ME3: variants seen among roughly 807,000 people sequenced by gnomAD.
ME3 encodes the protein NADP-dependent malic enzyme, mitochondrial.
ME3 carries 48 observed loss-of-function variants against 68.9 expected under a neutral mutation model. That is an observed-to-expected ratio of 0.70 (90% CI 0.55 to 0.89). The LOEUF is 0.89. ME3 is among the 40% of genes least tolerant of loss of function. The pLI, the probability that ME3 is intolerant of heterozygous loss-of-function variation, is 0.00. For synonymous variants in ME3, 320 were observed against 318.8 expected (o/e 1.00, Z -0.04); for missense variants, 675 against 797.4 (o/e 0.85, Z 1.85).
intron 2 of ME3, among the ~76,000 whole-genome samples, chr11:86,661,515 A>G (rs924930855): frequency 6.6e-6 from 1 of 152,262 alleles, no homozygotes; most frequent in African/African-American, 2.4e-5. Context: ...CTTACAGGGT[A>G]CATGTCTATT....
intron 2 of ME3, among the ~76,000 whole-genome samples, chr11:86,636,659 A>G (rs1944352039): frequency 6.6e-6 from 1 of 152,174 alleles, no homozygotes; most frequent in South Asian, 2.1e-4. Context: ...AACATGCACA[A>G]GTTTTGGAAT....
intron 10 of ME3, among the ~76,000 whole-genome samples, chr11:86,449,164 C>T (rs1334202761): frequency 6.6e-6 from 1 of 152,174 alleles, no homozygotes; most frequent in Non-Finnish European, 1.5e-5. Context: ...CCCATCTCTG[C>T]CATAATTTTT....
intron 2 of ME3, chr11:86,668,238 C>T (rs968618669): frequency 2.0e-5 from 3 of 152,178 alleles, no homozygotes; most frequent in South Asian, 2.1e-4. Context: ...CTTGGCTTCT[C>T]TTTTCTTTGG....
chr11:86,640,904 A>G (rs901407982), intron 2 of ME3, among the ~76,000 whole-genome samples: 2 of 152,036 alleles, frequency 1.3e-5, no homozygotes, highest in African/African-American at 4.8e-5. Flanking sequence ...TCTCCAGGAT[A>G]TTGCCCTTTC....
At chr11:86,647,940 A>G (rs559811324) in intron 2 of ME3, among the ~76,000 whole-genome samples, 1 of 152,328 alleles carries the variant, frequency 6.6e-6, no homozygotes, top group Admixed American at 6.5e-5. Flanking sequence ...TCCACCCCAA[A>G]TCAACAGAAT....
intron 2 of ME3, among the ~76,000 whole-genome samples, chr11:86,588,651 C>G (rs1365596271): frequency 6.6e-6 from 1 of 152,112 alleles, no homozygotes; most frequent in African/African-American, 2.4e-5. Flanking sequence ...TCAAGTGGAG[C>G]CTTGGAATGT....
intron 4 of ME3, among the ~76,000 whole-genome samples, chr11:86,543,836 A>T (rs1296509753): frequency 6.6e-6 from 1 of 152,214 alleles, no homozygotes; most frequent in Non-Finnish European, 1.5e-5. Context: ...CTCCACCCCA[A>T]ATCAACAGAA....
chr11:86,490,961 A>G (rs1424769568), intron 6 of ME3, among the ~76,000 whole-genome samples: 2 of 152,234 alleles, frequency 1.3e-5, no homozygotes, highest in East Asian at 3.8e-4. Context: ...TCAAAGGTCA[A>G]CCATAATGAG....
chr11:86,563,998 T>G (rs1476647366), intron 2 of ME3, among the ~76,000 whole-genome samples: 1 of 152,210 alleles, frequency 6.6e-6, no homozygotes, highest in East Asian at 1.9e-4. Context: ...CCTTGGTAGC[T>G]TAATAGGAAT....
intron 7 of ME3, among the ~76,000 whole-genome samples, chr11:86,482,347 G>A (rs1951461908): frequency 6.6e-6 from 1 of 152,100 alleles, no homozygotes. Flanking sequence ...CACTATGCCT[G>A]GCTCAGTGTC....
At chr11:86,482,645 G>C (rs1951475851) in intron 7 of ME3, among the ~76,000 whole-genome samples, 1 of 151,126 alleles carries the variant, frequency 6.6e-6, no homozygotes, top group Non-Finnish European at 1.5e-5. Context: ...GACTGTTCCA[G>C]TTCCAGGTCT....
intron 2 of ME3, among the ~76,000 whole-genome samples, chr11:86,637,886 G>A (rs1242931871): frequency 1.3e-5 from 2 of 151,904 alleles, no homozygotes; most frequent in African/African-American, 2.4e-5. Flanking sequence ...TGATTACAGG[G>A]CACAGGCTTG....
chr11:86,576,183 G>A lies in ME3; in HGVS notation c.184-16360C>T, dbSNP rs74786440. 2.0e-5 allele frequency among the ~76,000 whole-genome samples: 3 copies of A among 152,264 alleles called. No homozygotes were observed. In the East Asian group the frequency reaches 5.8e-4, roughly 29 times the overall value. On this transcript the variant is annotated intron_variant, in intron 2 of 14. Transcript: ENST00000543262. Reference sequence around the variant, plus strand: ...ATTTGTTCCTTAAAAACAAAGATGAGGACATGATTAATTCTCTGTGAGAAG... The same window carrying A: ...ATTTGTTCCTTAAAAACAAAGATGAAGACATGATTAATTCTCTGTGAGAAG...
At chr11:86,616,224 G>A (rs1388940895) in intron 2 of ME3, among the ~76,000 whole-genome samples, 6 of 152,066 alleles carry the variant, frequency 3.9e-5, no homozygotes, top group Non-Finnish European at 7.4e-5. Flanking sequence ...AGGCATTTGT[G>A]CTATTTTCTA....
chr11:86,534,180 G>GCGTC (rs1213561863), intron 4 of ME3, among the ~76,000 whole-genome samples: 1 of 136,734 alleles, frequency 7.3e-6, no homozygotes, highest in Non-Finnish European at 1.6e-5. Flanking sequence ...TGCTCTGGGT[G>GCGTC]AGTCAGTGAG....
At chr11:86,540,957 T>G (rs1043358138) in intron 4 of ME3, among the ~76,000 whole-genome samples, 1 of 151,490 alleles carries the variant, frequency 6.6e-6, no homozygotes, top group Non-Finnish European at 1.5e-5. Context: ...CTCATTGGGA[T>G]TGGTTAGACA....
intron 2 of ME3, among the ~76,000 whole-genome samples, chr11:86,640,918 A>G (rs1482995072): frequency 6.6e-6 from 1 of 151,706 alleles, no homozygotes; most frequent in Admixed American, 6.6e-5. Context: ...CCCTTTCCCC[A>G]TCTCCCCAGA....
chr11:86,500,846 C>T (rs1469219121), intron 5 of ME3, among the ~76,000 whole-genome samples: 1 of 152,116 alleles, frequency 6.6e-6, no homozygotes, highest in Non-Finnish European at 1.5e-5. Flanking sequence ...TTATAATCTA[C>T]TGAAATTTCT....
chr11:86,607,086 GGT>G (rs1961774137), intron 2 of ME3, among the ~76,000 whole-genome samples: 1 of 152,158 alleles, frequency 6.6e-6, no homozygotes, highest in Non-Finnish European at 1.5e-5. Context: ...TCTGGATAGA[GGT>G]ACAGGCTTAT....
Sources: gnomAD v4.1 joint callset for allele counts (sites outside exome capture counted in the v4.1 genomes callset) on GRCh38, gnomAD v4.1.1 for gene constraint, MANE v1.5 for transcripts, NCBI Gene and HGNC (gene_info 2026-07-23, HGNC 2026-07-21) for gene names.